Variants in SPSB4 observed in about 807,000 individuals in gnomAD.
The protein encoded by SPSB4 is splA/ryanodine receptor domain and SOCS box containing 4.
A neutral mutation model predicts 20.9 loss-of-function variants in SPSB4; 21 were observed. The observed-to-expected ratio is 1.01, with a 90% CI of 0.71 to 1.45. The LOEUF is 1.45. SPSB4 is among the 40% of genes most tolerant of loss of function. The probability of loss-of-function intolerance (pLI) is 0.00; values close to 1 mark genes in which losing one functional copy is unlikely to be tolerated. For missense variants in SPSB4, 399 were observed against 399.2 expected, an observed-to-expected ratio of 1.00 and a Z score of 0.00; for synonymous variants, 207 against 183.8, an observed-to-expected ratio of 1.13 and a Z score of -1.02.
chr3:141,111,479 TAGTG>T (rs1338965327), intron 2 of SPSB4, among the ~76,000 whole-genome samples: 3 of 141,240 alleles, frequency 2.1e-5, no homozygotes, highest in African/African-American at 7.9e-5. Flanking sequence ...GCCCAGCACA[TAGTG>T]AGCGCTCCAT....
At chr3:141,064,080 T>G (rs953425194) in intron 1 of SPSB4, among the ~76,000 whole-genome samples, 2 of 152,262 alleles carry the variant, frequency 1.3e-5, no homozygotes, top group African/African-American at 4.8e-5. Context: ...CATGCCCTGT[T>G]CCCATTTTTT....
At chr3:141,090,438 A>G (rs1938429209) in intron 2 of SPSB4, among the ~76,000 whole-genome samples, 1 of 152,182 alleles carries the variant, frequency 6.6e-6, no homozygotes, top group South Asian at 2.1e-4. Flanking sequence ...GTGTTGGAGG[A>G]GGCTGGGGCT....
chr3:141,063,106 A>C (rs566310752), intron 1 of SPSB4, among the ~76,000 whole-genome samples: 12 of 152,288 alleles, frequency 7.9e-5, no homozygotes, highest in African/African-American at 2.9e-4. Flanking sequence ...TATTATTATT[A>C]AGTATTCTTG....
At chr3:141,114,588 C>T (rs753260801) in intron 2 of SPSB4, among the ~76,000 whole-genome samples, 3 of 152,194 alleles carry the variant, frequency 2.0e-5, no homozygotes, top group Non-Finnish European at 2.9e-5. Context: ...CCGTGGCCAG[C>T]CTGGGCACAC....
intron 2 of SPSB4, among the ~76,000 whole-genome samples, chr3:141,110,826 G>A (rs1484991312): frequency 2.6e-5 from 4 of 152,220 alleles, no homozygotes; most frequent in Non-Finnish European, 4.4e-5. Context: ...TCATTGCTCA[G>A]AGGGCAAGAG....
chr3:141,059,913 G>A (rs1013574974), intron 1 of SPSB4, among the ~76,000 whole-genome samples: 3 of 152,236 alleles, frequency 2.0e-5, no homozygotes, highest in African/African-American at 7.2e-5. Flanking sequence ...GTCTCAGAGA[G>A]ATTAAGTTCT....
At chr3:141,133,961 G>GT (rs1449784912) in intron 2 of SPSB4, among the ~76,000 whole-genome samples, 5 of 137,538 alleles carry the variant, frequency 3.6e-5, no homozygotes, top group Non-Finnish European at 4.7e-5. Flanking sequence ...ATGTTTGGTA[G>GT]TTTTCCCTGT....
intron 2 of SPSB4, among the ~76,000 whole-genome samples, chr3:141,121,183 C>A (rs953151561): frequency 3.9e-5 from 6 of 152,084 alleles, no homozygotes; most frequent in Non-Finnish European, 8.8e-5. Flanking sequence ...CTTAGTTTGG[C>A]TGGATATGAA....
At chr3:141,111,354 CTTTTTTT>C (rs34223433) in intron 2 of SPSB4, among the ~76,000 whole-genome samples, 22 of 61,796 alleles carry the variant, frequency 3.6e-4, no homozygotes, top group African/African-American at 7.3e-4. Context: ...CTGGAACTTG[CTTTTTTT>C]TTTTTTTTTT....
At chr3:141,063,168 G>T (rs1403888666) in intron 1 of SPSB4, among the ~76,000 whole-genome samples, 1 of 152,154 alleles carries the variant, frequency 6.6e-6, no homozygotes, top group African/African-American at 2.4e-5. Context: ...CTAATATTAA[G>T]ATTACAGTGC....
intron 2 of SPSB4, among the ~76,000 whole-genome samples, chr3:141,088,418 CTG>C (rs1192475256): frequency 2.6e-5 from 4 of 152,348 alleles, no homozygotes; most frequent in Middle Eastern, 3.4e-3. Context: ...AAGGATATAA[CTG>C]TGAAAATTCT....
intron 2 of SPSB4, among the ~76,000 whole-genome samples, chr3:141,105,392 T>C (rs538165356): frequency 2.6e-5 from 4 of 152,292 alleles, no homozygotes; most frequent in African/African-American, 7.2e-5. Context: ...TATAATTTCA[T>C]TGGTAGATCT....
chr3:141,113,194 A>G (rs1938830803), intron 2 of SPSB4, among the ~76,000 whole-genome samples: 1 of 152,242 alleles, frequency 6.6e-6, no homozygotes, highest in Admixed American at 6.5e-5. Flanking sequence ...GTGAGAATGT[A>G]AAACGATGCA....
At chr3:141,092,062 G>A (rs1029172846) in intron 2 of SPSB4, among the ~76,000 whole-genome samples, 5 of 152,216 alleles carry the variant, frequency 3.3e-5, no homozygotes, top group African/African-American at 1.2e-4. Context: ...AGAGCTGGCA[G>A]CATGGGGACA....
intron 2 of SPSB4, among the ~76,000 whole-genome samples, chr3:141,128,757 G>C (rs146292875): frequency 2.6e-5 from 4 of 152,226 alleles, no homozygotes; most frequent in East Asian, 3.9e-4. Flanking sequence ...AAGGGGGACA[G>C]AGCATCATGG....
At chr3:141,062,488 T>A (rs1011342733) in intron 1 of SPSB4, among the ~76,000 whole-genome samples, 1 of 152,168 alleles carries the variant, frequency 6.6e-6, no homozygotes, top group Non-Finnish European at 1.5e-5. Context: ...CTCCATTCAT[T>A]TTTTAAAATT....
At chr3:141,110,305 T>C (rs1938775224) in intron 2 of SPSB4, among the ~76,000 whole-genome samples, 1 of 152,216 alleles carries the variant, frequency 6.6e-6, no homozygotes, top group East Asian at 1.9e-4. Flanking sequence ...TAACATCTCA[T>C]AGGTTAACTA....
intron 2 of SPSB4, among the ~76,000 whole-genome samples, chr3:141,067,395 G>A (rs777365449): frequency 2.6e-5 from 4 of 152,148 alleles, no homozygotes; most frequent in South Asian, 2.1e-4. Context: ...GTCATCTCAC[G>A]GGAATGAAAA....
chr3:141,060,900 T>C (rs1361564550), intron 1 of SPSB4, among the ~76,000 whole-genome samples: 1 of 152,250 alleles, frequency 6.6e-6, no homozygotes, highest in Non-Finnish European at 1.5e-5. Flanking sequence ...GAACCATTTG[T>C]TTTTGTGTAA....
Sources: allele counts gnomAD v4.1 joint callset (sites outside exome capture counted in the v4.1 genomes callset), GRCh38; gene constraint gnomAD v4.1.1; transcripts MANE v1.5; gene names NCBI Gene and HGNC (gene_info 2026-07-23, HGNC 2026-07-21).